PPP2R5E: variants seen among roughly 807,000 people sequenced by gnomAD.
The protein encoded by PPP2R5E is protein phosphatase 2 regulatory subunit B'epsilon, also known as serine/threonine-protein phosphatase 2A 56 kDa regulatory subunit epsilon isoform.
A neutral mutation model predicts 65.3 loss-of-function variants in PPP2R5E; 4 were observed. The ratio of observed to expected loss-of-function variants is 0.06; its 90% confidence interval spans 0.03 to 0.14. PPP2R5E has a LOEUF of 0.14. Among genes scored for constraint, PPP2R5E ranks in the 10% least tolerant of loss-of-function variants. PPP2R5E has a pLI of 1.00. For synonymous variants in PPP2R5E, 183 were observed against 187.4 expected (o/e 0.98, Z 0.19); for missense variants, 274 against 556.1 (o/e 0.49, Z 5.10).
chr14:63,473,371 C>T (rs907526052), intron 2 of PPP2R5E, among the ~76,000 whole-genome samples: 10 of 151,954 alleles, frequency 6.6e-5, no homozygotes, highest in Admixed American at 5.9e-4. Context: ...AAGGGGAAAA[C>T]GAAGAACAGA....
intron 2 of PPP2R5E, among the ~76,000 whole-genome samples, chr14:63,516,102 G>A (rs1000116424): frequency 8.6e-5 from 13 of 152,010 alleles, no homozygotes; most frequent in Admixed American, 7.9e-4. Context: ...GCCCACCTCC[G>A]CCTCCTAAAG....
chr14:63,542,718 C>T (rs10142811), intron 1 of PPP2R5E, 61 bp downstream of exon 1: 16,568 of 153,434 alleles, frequency 0.11, 949 homozygotes, highest in East Asian at 0.16. Flanking sequence ...ATAGGTTCCC[C>T]AGGAGGACCG....
chr14:63,491,822 G>C (rs1224141007), intron 2 of PPP2R5E, among the ~76,000 whole-genome samples: 1 of 152,090 alleles, frequency 6.6e-6, no homozygotes, highest in Non-Finnish European at 1.5e-5. Flanking sequence ...ACTCCAGTCT[G>C]GGTGACAAGA....
chr14:63,389,791 C>T, intron 10 of PPP2R5E, 60 bp from the exon 11 acceptor site: 1 of 1,456,220 alleles, frequency 6.9e-7, no homozygotes, highest in Non-Finnish European at 9.1e-7. Context: ...TCCATAAGAA[C>T]AAGGAGGATT....
rs139616556 is a variant in PPP2R5E at position 63,397,134 on chromosome 14, C to T, written c.550-418G>A. Among the ~76,000 whole-genome samples the T allele has an allele frequency of 2.4e-3, 367 of 152,296 alleles. 13 individuals carry two copies. In the East Asian group the frequency reaches 0.048, roughly 20 times the overall value. On this transcript the variant is annotated intron_variant, in intron 5 of 13. Coordinates refer to ENST00000337537, the MANE Select transcript of PPP2R5E (RefSeq NM_006246.5). ...ATAGGTGGTAAAGCTAGAATTTGAA[C>T]CCCAGCAGTTGAGGCCAAAAGTCCG...
intron 2 of PPP2R5E, among the ~76,000 whole-genome samples, chr14:63,470,195 C>G (rs558124574): frequency 1.3e-5 from 2 of 152,200 alleles, no homozygotes. Flanking sequence ...TTTCAGCCTC[C>G]CAAGTGGCTG....
chr14:63,464,791 G>T (rs1889695709), intron 2 of PPP2R5E, among the ~76,000 whole-genome samples: 1 of 152,188 alleles, frequency 6.6e-6, no homozygotes, highest in South Asian at 2.1e-4. Context: ...GGGAGGCCGA[G>T]GTGAGCGGAT....
chr14:63,449,283 A>C (rs1490234820), intron 3 of PPP2R5E, among the ~76,000 whole-genome samples: 1 of 152,260 alleles, frequency 6.6e-6, no homozygotes, highest in Non-Finnish European at 1.5e-5. Context: ...TGGCAATGGA[A>C]TAAAACACAT....
In PPP2R5E at chr14:63,373,714, T is replaced by A. The variant is rs1298057035; in HGVS notation, c.*2295A>T. The A allele has an allele frequency of 2.0e-5, 3 of 152,186 alleles. No homozygotes were observed. The highest frequency in any genetic ancestry group is 7.2e-5 in the African/African-American group (3 of 41,440). 9.4% of individuals were successfully genotyped at this position (152,186 alleles called of 1,614,324 possible). A position where few individuals can be genotyped will look rare whatever the true frequency, so the allele number is the denominator to read the frequency against. ...AAGGTACAAAAAAGGATCCTGGCCTTTCTCATTTCAAATGACTGCATTTCA... is the reference window on the plus strand; with the variant it reads ...AAGGTACAAAAAAGGATCCTGGCCTATCTCATTTCAAATGACTGCATTTCA... On this transcript the variant is annotated 3_prime_UTR_variant, in exon 14 of 14. Transcript: ENST00000337537.
intron 5 of PPP2R5E, among the ~76,000 whole-genome samples, chr14:63,410,884 G>A (rs1886355646): frequency 6.6e-6 from 1 of 152,128 alleles, no homozygotes; most frequent in South Asian, 2.1e-4. Flanking sequence ...GTGAGCCCTG[G>A]TGTGAAGGTC....
chr14:63,502,915 C>T (rs1306398178), intron 2 of PPP2R5E, among the ~76,000 whole-genome samples: 1 of 152,126 alleles, frequency 6.6e-6, no homozygotes, highest in African/African-American at 2.4e-5. Context: ...ATCACTTGTG[C>T]CCAGGAGTTT....
intron 2 of PPP2R5E, 81 bp downstream of exon 2, chr14:63,539,447 TA>T (rs1566770718): frequency 1.4e-6 from 2 of 1,454,034 alleles, no homozygotes; most frequent in African/African-American, 1.4e-5. Context: ...GCAACACATA[TA>T]AAACTCTACA....
rs76441973 is a variant in PPP2R5E, at chr14:63,507,092, G to C, written c.157+32437C>G. Among the ~76,000 whole-genome samples, 858 of 152,264 alleles carry C rather than the reference G, an allele frequency of 5.6e-3. 41 individuals are homozygous for C. In the East Asian group the frequency reaches 0.1, roughly 19 times the overall value. ...CCACGGTGCCCAGCCTGGGACAAGA[G>C]TATTAAATGCACCCATTACCTCCTA... On this transcript the variant is annotated intron_variant, in intron 2 of 13. Coordinates refer to ENST00000337537, the MANE Select transcript of PPP2R5E (RefSeq NM_006246.5).
At chr14:63,518,934 A>G (rs1244392780) in intron 2 of PPP2R5E, among the ~76,000 whole-genome samples, 1 of 152,194 alleles carries the variant, frequency 6.6e-6, no homozygotes, top group Non-Finnish European at 1.5e-5. Context: ...AAAAAATAAA[A>G]GAGGCCGGGC....
chr14:63,530,795 T>G (rs139475195), intron 2 of PPP2R5E, among the ~76,000 whole-genome samples: 2,039 of 151,818 alleles, frequency 0.013, 39 homozygotes, highest in African/African-American at 0.047. Context: ...TTTTGTATTT[T>G]TAGTAGAGAT....
chr14:63,480,745 C>CA (rs1265627494), intron 2 of PPP2R5E, among the ~76,000 whole-genome samples: 4 of 152,194 alleles, frequency 2.6e-5, no homozygotes, highest in African/African-American at 9.7e-5. Flanking sequence ...TGTGCCTGGC[C>CA]AGACTCCATT....
chr14:63,393,486 G>A (rs1203259511), intron 8 of PPP2R5E, among the ~76,000 whole-genome samples: 1 of 152,148 alleles, frequency 6.6e-6, no homozygotes, highest in East Asian at 1.9e-4. Context: ...GGCCAAGGTG[G>A]GCGGATCATG....
intron 4 of PPP2R5E, among the ~76,000 whole-genome samples, chr14:63,421,402 G>A (rs1286190665): frequency 1.3e-5 from 2 of 152,188 alleles, no homozygotes; most frequent in South Asian, 4.1e-4. Flanking sequence ...CAGAGATGCA[G>A]TGATGCCCCT....
At chr14:63,522,824 A>C (rs1177238891) in intron 2 of PPP2R5E, among the ~76,000 whole-genome samples, 1 of 146,230 alleles carries the variant, frequency 6.8e-6, no homozygotes, top group Non-Finnish European at 1.5e-5. Flanking sequence ...GGGGTCACCC[A>C]CCGCCAGGCC....
Sources: gnomAD v4.1 joint callset for allele counts (sites outside exome capture counted in the v4.1 genomes callset) on GRCh38, gnomAD v4.1.1 for gene constraint, MANE v1.5 for transcripts, NCBI Gene and HGNC (gene_info 2026-07-23, HGNC 2026-07-21) for gene names.